ADGRL1: variants seen among roughly 807,000 people sequenced by gnomAD.
The protein encoded by ADGRL1 is CIRL-1.
In ADGRL1, 31 loss-of-function variants were observed where a neutral mutation model predicts 148.9. That is an observed-to-expected ratio of 0.21 (90% CI 0.16 to 0.28). The LOEUF (loss-of-function observed/expected upper bound fraction) is 0.28. Ranked by LOEUF, ADGRL1 falls within the 10% of genes least tolerant of loss-of-function variation. The probability of loss-of-function intolerance (pLI) is 1.00; values close to 1 mark genes in which losing one functional copy is unlikely to be tolerated. For synonymous variants in ADGRL1, 937 were observed against 900.3 expected (o/e 1.04, Z -0.73); for missense variants, 1,521 against 2,058.8 (o/e 0.74, Z 5.05).
At chr19:14,202,579 A>G (rs866055318) in intron 1 of ADGRL1, among the ~76,000 whole-genome samples, 3 of 152,136 alleles carry the variant, frequency 2.0e-5, no homozygotes, top group Admixed American at 6.5e-5. Context: ...TGGAAACCCC[A>G]TATGTGTTGC....
At chr19:14,154,558 G>A (rs1383858853) in intron 18 of ADGRL1, among the ~76,000 whole-genome samples, 2 of 152,036 alleles carry the variant, frequency 1.3e-5, no homozygotes, top group African/African-American at 2.4e-5. Context: ...CCAAAGTGCT[G>A]GGATTACAGG....
intron 18 of ADGRL1, among the ~76,000 whole-genome samples, chr19:14,154,849 T>TCAGG (rs913444788): frequency 6.6e-6 from 1 of 152,014 alleles, no homozygotes; most frequent in African/African-American, 2.4e-5. Flanking sequence ...ACTCCTGACC[T>TCAGG]CAGGTGATCC....
At chr19:14,170,587 T>C (rs758578831) in intron 4 of ADGRL1, 95 bp downstream of exon 4, 22 of 719,344 alleles carry the variant, frequency 3.1e-5, no homozygotes, top group Middle Eastern at 2.4e-4. Flanking sequence ...CCAGGCCCCA[T>C]GCATGTGTGC....
intron 4 of ADGRL1, among the ~76,000 whole-genome samples, chr19:14,168,441 T>C (rs940373184): frequency 2.6e-5 from 4 of 152,132 alleles, no homozygotes; most frequent in African/African-American, 9.7e-5. Flanking sequence ...TGCGCGTGTG[T>C]GTGTGTGCGT....
Position 14,156,117 on chromosome 19 carries a change from T to C in ADGRL1, c.3118A>G (p.Asn1040Asp), listed in dbSNP as rs770190790. Reference protein sequence around the residue: ...VLKPDSSRLDNIKSWALGAIA... With the variant: ...VLKPDSSRLDDIKSWALGAIA... ...GGCAGGGGCGAGGCTCACTTAATGT[T>C]GTCCAGGCGGCTGGAGTCGGGCTTG... The change falls in exon 17 of 23, where the codon AAC becomes GAC. Residue 1040 changes from asparagine to aspartate, a missense_variant. Transcript: ENST00000361434. 2 of 1,610,464 alleles carry C rather than the reference T, an allele frequency of 1.2e-6. No individual in the cohort carries two copies. The highest frequency in any genetic ancestry group is 1.7e-4 in the Middle Eastern group (1 of 5,884).
Position 14,193,271 on chromosome 19 carries a change from CAAAAAAAA to C in ADGRL1, c.-95-9582_-95-9575del, listed in dbSNP as rs34844517. Reference sequence around the variant, plus strand: ...AAATATGGCCCCCCGCCCCCACCGCCAAAAAAAAAAAAAAAAAAAAAACTCAGGCTGGG... The same window carrying C: ...AAATATGGCCCCCCGCCCCCACCGCCAAAAAAAAAAAAAACTCAGGCTGGG... On this transcript the variant is annotated intron_variant, in intron 1 of 22. Transcript: ENST00000361434. Among the ~76,000 whole-genome samples, 8 of 48,626 alleles carry C rather than the reference CAAAAAAAA, an allele frequency of 1.6e-4. No homozygotes were observed. In the Admixed American group the frequency reaches 2.1e-3, roughly 13 times the overall value. The allele number at this position is 48,626 out of a possible 152,430, so 31.9% of individuals were successfully genotyped here.
In ADGRL1 at chr19:14,152,075, G is replaced by C; in HGVS notation, c.3667+58C>G. 2 of 1,524,014 alleles carry C rather than the reference G, an allele frequency of 1.3e-6. No individual in the cohort carries two copies. Among genetic ancestry groups the C allele is most frequent in the Non-Finnish European group, 1.8e-6 (2 of 1,097,954 alleles). 94.4% of individuals were successfully genotyped at this position (1,524,014 alleles called of 1,614,324 possible). A position where few individuals can be genotyped will look rare whatever the true frequency, so the allele number is the denominator to read the frequency against. On this transcript the variant is annotated intron_variant, in intron 22 of 22. Transcript: ENST00000361434. The surrounding 1 kb of genome is among the most constrained non-coding windows in gnomAD (Gnocchi z 6.1). ...TCCTTAAGTGAGGCCGTCTGAGAAG[G>C]CCACTGTCTGTCCCTCTCCCAGCCT... is the stretch of plus-strand genomic sequence containing the variant.
At chr19:14,191,862 C>T (rs1376522780) in intron 1 of ADGRL1, among the ~76,000 whole-genome samples, 1 of 152,012 alleles carries the variant, frequency 6.6e-6, no homozygotes, top group Non-Finnish European at 1.5e-5. Context: ...TGCCCAGCTA[C>T]TTTTTCGATT....
At position 14,156,552 on chromosome 19, in the gene ADGRL1, A is replaced by AGTGTGT. The variant is rs3830196; in HGVS notation, c.3033+100_3033+105dup. On this transcript the variant is annotated intron_variant, in intron 16 of 22. Transcript: ENST00000361434. ...AGTTCCGATGTGTGGAGAGAGAGAG[A>AGTGTGT]GTGTGTGTGTGTGTGGGGGGGGTGG... is the stretch of plus-strand genomic sequence containing the variant. 5.0e-4 allele frequency: 231 copies of AGTGTGT among 459,250 alleles called. 2 individuals carry two copies. The African/African-American group carries it at 8.8e-3, about 18-fold the overall frequency. 28.4% of individuals were successfully genotyped at this position (459,250 alleles called of 1,614,324 possible).
At position 14,160,764 on chromosome 19, in the gene ADGRL1, G is replaced by A; in HGVS notation, c.1511-68C>T. 3.3e-6 allele frequency: 3 copies of A among 901,686 alleles called. No individual in the cohort carries two copies. Among genetic ancestry groups the A allele is most frequent in the East Asian group, 2.4e-5 (1 of 40,860 alleles). 55.9% of individuals were successfully genotyped at this position (901,686 alleles called of 1,614,324 possible). A position where few individuals can be genotyped will look rare whatever the true frequency, so the allele number is the denominator to read the frequency against. Reference sequence around the variant, plus strand: ...GAAGAAGAGAAGGATGGGACAGAGAGGGGGAAAGGAGATGACAGAGAGTGG... The same window carrying A: ...GAAGAAGAGAAGGATGGGACAGAGAAGGGGAAAGGAGATGACAGAGAGTGG... On this transcript the variant is annotated intron_variant, in intron 6 of 22. Coordinates refer to ENST00000361434, the MANE Select transcript of ADGRL1 (RefSeq NM_014921.5). The surrounding 1 kb of genome is among the most constrained non-coding windows in gnomAD (Gnocchi z 5.9).
chr19:14,154,119 C>T (rs188603181), intron 18 of ADGRL1, among the ~76,000 whole-genome samples: 69 of 152,124 alleles, frequency 4.5e-4, no homozygotes, highest in Admixed American at 1.4e-3. Flanking sequence ...GGCCTGGGGT[C>T]CCCTGAAAGG....
Position 14,163,257 on chromosome 19 carries a change from G to A in ADGRL1, c.544C>T (p.Leu182=), listed in dbSNP as rs758573235. The part of the protein sequence containing the change: ...MPWIPYRTDT[L]TEYASWEDYV... ...TCCTCCCACGAGGCATACTCAGTCA[G>A]TGTGTCCGTGCGGTAGGGGATCCAG... Residue 182 remains leucine, a synonymous_variant, in exon 5 of 23, where the codon CTG becomes TTG. Transcript: ENST00000361434. 6.2e-7 allele frequency: 1 copy of A among 1,613,776 alleles called. No homozygotes were observed. Among genetic ancestry groups the A allele is most frequent in the Non-Finnish European group, 8.5e-7 (1 of 1,180,026 alleles).
rs1053996360 is a variant in ADGRL1 at position 14,156,535 on chromosome 19, T to C, written c.3033+123A>G. ...CTCTCAGCCGGTGGCTCAGTTCCGATGTGTGGAGAGAGAGAGAGTGTGTGT... is the reference window on the plus strand; with the variant it reads ...CTCTCAGCCGGTGGCTCAGTTCCGACGTGTGGAGAGAGAGAGAGTGTGTGT... On this transcript the variant is annotated intron_variant, in intron 16 of 22. Transcript: ENST00000361434. The C allele has an allele frequency of 1.2e-4, 78 of 638,912 alleles. No homozygotes were observed. The Admixed American group carries it at 1.5e-3, about 12-fold the overall frequency. The allele number at this position is 638,912 out of a possible 1,614,324, so 39.6% of individuals were successfully genotyped here.
chr19:14,163,171 G>A lies in ADGRL1; in HGVS notation c.630C>T (p.Gly210=), dbSNP rs1307027104. The change falls in exon 5 of 23, where the codon GGC becomes GGT. Residue 210 remains glycine, a synonymous_variant. Coordinates refer to ENST00000361434, the MANE Select transcript of ADGRL1 (RefSeq NM_014921.5). ...AGACGGCACCATCGTAGACCACAAA[G>A]CCTGTGCCATCCACGCGGTTGGGCA... The part of the protein sequence containing the change: ...YRLPNRVDGT[G]FVVYDGAVFY... 1 of 1,614,060 alleles carries A rather than the reference G, an allele frequency of 6.2e-7. No individual in the cohort carries two copies. Among genetic ancestry groups the A allele is most frequent in the Non-Finnish European group, 8.5e-7 (1 of 1,180,040 alleles).
At position 14,179,644 on chromosome 19, in the gene ADGRL1, C is replaced by T. The variant is rs141372359; in HGVS notation, c.71-1900G>A. The stretch of plus-strand genomic sequence containing the variant: ...GGTCTAGGCCGGGCTCGGTGGCTCA[C>T]ACCTGTAATCCCAGGACTTTGGGAG... On this transcript the variant is annotated intron_variant, in intron 2 of 22. Coordinates refer to ENST00000361434, the MANE Select transcript of ADGRL1 (RefSeq NM_014921.5). Among the ~76,000 whole-genome samples, 4 of 152,138 alleles carry T rather than the reference C, an allele frequency of 2.6e-5. No individual in the cohort carries two copies. In the East Asian group the frequency reaches 7.7e-4, roughly 29 times the overall value.
intron 4 of ADGRL1, among the ~76,000 whole-genome samples, chr19:14,166,448 T>C (rs543070447): frequency 6.6e-6 from 1 of 151,564 alleles, no homozygotes; most frequent in African/African-American, 2.4e-5. Context: ...GCCCGAGACA[T>C]AGGAGAATCT....
At chr19:14,172,193 G>T (rs576456141) in intron 3 of ADGRL1, among the ~76,000 whole-genome samples, 1 of 152,240 alleles carries the variant, frequency 6.6e-6, no homozygotes, top group Admixed American at 6.5e-5. Context: ...AGGCCAAGGC[G>T]GGTGGATCAC....
intron 11 of ADGRL1, 107 bp from the exon 12 acceptor site, chr19:14,158,659 T>G: frequency 1.1e-6 from 1 of 878,904 alleles, no homozygotes. Context: ...TTGGCCACGC[T>G]GGCCACTGGG....
At chr19:14,183,884 G>C (rs185859773) in intron 1 of ADGRL1, among the ~76,000 whole-genome samples, 187 bp from the exon 2 acceptor site, 14 of 152,258 alleles carry the variant, frequency 9.2e-5, no homozygotes, top group Middle Eastern at 3.4e-3. Context: ...CCAGCAGCCA[G>C]ACCCAGCTAT....
Sources: gnomAD v4.1 joint callset for allele counts (sites outside exome capture counted in the v4.1 genomes callset) on GRCh38, gnomAD v4.1.1 for gene constraint, Gnocchi (gnomAD v3.1) non-coding constraint, MANE v1.5 for transcripts, NCBI Gene and HGNC (gene_info 2026-07-23, HGNC 2026-07-21) for gene names.